The following DTNA variants were observed in gnomAD, a reference collection of about 807,000 sequenced individuals.
DTNA encodes the protein dystrophin-related protein 3.
DTNA carries 43 observed loss-of-function variants against 100.7 expected under a neutral mutation model. The observed-to-expected ratio is 0.43, with a 90% CI of 0.33 to 0.55. DTNA has a LOEUF of 0.55. Among genes scored for constraint, DTNA ranks in the 20% least tolerant of loss-of-function variants. The pLI is 0.04. For synonymous variants in DTNA, 349 were observed against 347.9 expected (o/e 1.00, Z -0.04); for missense variants, 798 against 953.9 (o/e 0.84, Z 2.15).
Position 34,888,866 on chromosome 18 carries a change from T to C in DTNA, c.*1132T>C, listed in dbSNP as rs2096944846. ...CTTGCAAACGTTTGCTCTCCTTTTT[T>C]TCTGAATGTTGATTGCCTTAGCTGG... On this transcript the variant is annotated 3_prime_UTR_variant, in exon 23 of 23. Transcript: ENST00000444659. 1.0e-6 allele frequency: 1 copy of C among 985,882 alleles called. No individual in the cohort carries two copies. Among genetic ancestry groups the C allele is most frequent in the Non-Finnish European group, 1.2e-6 (1 of 829,946 alleles). 61.1% of individuals were successfully genotyped at this position (985,882 alleles called of 1,614,324 possible). A position where few individuals can be genotyped will look rare whatever the true frequency, so the allele number is the denominator to read the frequency against.
chr18:34,503,733 GT>G (rs139710600), intron 1 of DTNA, among the ~76,000 whole-genome samples: 18 of 148,384 alleles, frequency 1.2e-4, no homozygotes, highest in African/African-American at 2.5e-4. Flanking sequence ...GGATTTCACT[GT>G]TTTTTTTTTC....
chr18:34,572,170 A>G (rs2047651674), intron 1 of DTNA, among the ~76,000 whole-genome samples: 1 of 152,184 alleles, frequency 6.6e-6, no homozygotes, highest in African/African-American at 2.4e-5. Context: ...GGATAAACAG[A>G]TTTAGATAAA....
At chr18:34,493,818 G>C (rs2038829093) in intron 1 of DTNA, 1 of 148,686 alleles carries the variant, frequency 6.7e-6, no homozygotes, top group African/African-American at 2.4e-5. Flanking sequence ...GCGCCGGCGG[G>C]GGCAGGGATT....
intron 1 of DTNA, among the ~76,000 whole-genome samples, chr18:34,711,817 T>C: frequency 6.6e-6 from 1 of 152,202 alleles, no homozygotes; most frequent in East Asian, 1.9e-4. Flanking sequence ...TTATTTGCCA[T>C]GATTTCAAAT....
chr18:34,858,349 G>A lies in DTNA; in HGVS notation c.1597G>A (p.Glu533Lys), dbSNP rs772037079. 1 of 1,614,044 alleles carries A rather than the reference G, an allele frequency of 6.2e-7. No individual in the cohort carries two copies. Among genetic ancestry groups the A allele is most frequent in the Non-Finnish European group, 8.5e-7 (1 of 1,180,036 alleles). Residue 533 changes from glutamate (E) to lysine (K), a missense_variant, in exon 16 of 23, where the codon GAG becomes AAG. Glu to Lys is a moderately conservative substitution (Grantham distance 56). This residue lies in a region of DTNA where 159 missense variants were observed against 201.2 expected (regional missense o/e 0.79). Transcript: ENST00000444659. ...TGAACAAGCTTCTCAGCCCACGCCA[G>A]AGAAGGCACAGCAAAACCCCACCCT... ...EHEQASQPTP[E>K]KAQQNPTLLA...
intron 1 of DTNA, among the ~76,000 whole-genome samples, chr18:34,540,474 G>A (rs952662695): frequency 7.6e-4 from 115 of 151,862 alleles, no homozygotes; most frequent in Non-Finnish European, 7.9e-4. Flanking sequence ...AGTTTATCTC[G>A]GAACATCACC....
chr18:34,622,458 A>G (rs1203532242), intron 1 of DTNA, among the ~76,000 whole-genome samples: 2 of 152,154 alleles, frequency 1.3e-5, no homozygotes, highest in Non-Finnish European at 2.9e-5. Context: ...TGAGGTGTCA[A>G]CTTGACCGGA....
intron 20 of DTNA, among the ~76,000 whole-genome samples, chr18:34,880,562 G>A (rs1354607319): frequency 6.6e-6 from 1 of 152,202 alleles, no homozygotes. Context: ...TCAGAAGGGT[G>A]ATGTTGCTTA....
At chr18:34,522,508 G>T (rs1279195497) in intron 1 of DTNA, among the ~76,000 whole-genome samples, 1 of 152,104 alleles carries the variant, frequency 6.6e-6, no homozygotes, top group Non-Finnish European at 1.5e-5. Context: ...TAGATAAATG[G>T]ATCATTTTCC....
At chr18:34,835,283 G>GTA (rs555757035) in intron 11 of DTNA, among the ~76,000 whole-genome samples, 21 of 152,214 alleles carry the variant, frequency 1.4e-4, no homozygotes, top group Non-Finnish European at 2.5e-4. Flanking sequence ...AGAAACTCAT[G>GTA]TATGTTCACG....
chr18:34,514,513 A>G lies in DTNA; in HGVS notation c.-2+20999A>G, dbSNP rs557726331. ...CTTTATTAAAAAGTGAATCATTTAA[A>G]TGCAATATCTAAGGCAGTATTAAAG... On this transcript the variant is annotated intron_variant, in intron 1 of 19. Transcript: ENST00000283365. 2.6e-5 allele frequency among the ~76,000 whole-genome samples: 4 copies of G among 152,298 alleles called. No homozygotes were observed. The East Asian group carries it at 7.7e-4, about 29-fold the overall frequency.
intron 1 of DTNA, among the ~76,000 whole-genome samples, chr18:34,577,590 C>T (rs940311664): frequency 2.6e-5 from 4 of 152,072 alleles, no homozygotes; most frequent in Non-Finnish European, 5.9e-5. Flanking sequence ...ACCCTCTTTC[C>T]ACCCTTCCCT....
At chr18:34,553,695 T>C (rs1022818427) in intron 1 of DTNA, among the ~76,000 whole-genome samples, 1 of 150,568 alleles carries the variant, frequency 6.6e-6, no homozygotes, top group Non-Finnish European at 1.5e-5. Flanking sequence ...GTTGTAGATA[T>C]GCGGCGTTAT....
At chr18:34,659,094 G>C (rs1222366312) in intron 1 of DTNA, among the ~76,000 whole-genome samples, 2 of 152,086 alleles carry the variant, frequency 1.3e-5, no homozygotes, top group Non-Finnish European at 2.9e-5. Flanking sequence ...ACGTGTGTGT[G>C]TGTGTGCACG....
chr18:34,722,267 AAGTTGAACTATAAT>A (rs2085502976), intron 1 of DTNA, among the ~76,000 whole-genome samples: 1 of 152,224 alleles, frequency 6.6e-6, no homozygotes, highest in Non-Finnish European at 1.5e-5. Context: ...AATCACAATT[AAGTTGAACTATAAT>A]TTAAAAGGGT....
chr18:34,839,152 A>C (rs1376407899), intron 13 of DTNA, among the ~76,000 whole-genome samples: 1 of 152,174 alleles, frequency 6.6e-6, no homozygotes, highest in Non-Finnish European at 1.5e-5. Flanking sequence ...TGTCATGTCA[A>C]ATTACCACAG....
chr18:34,772,168 C>T (rs2093807857), intron 3 of DTNA, among the ~76,000 whole-genome samples: 1 of 152,156 alleles, frequency 6.6e-6, no homozygotes, highest in Non-Finnish European at 1.5e-5. Flanking sequence ...CCTGAATTTT[C>T]TTTCCATTAG....
chr18:34,720,703 C>T (rs2085101536), intron 1 of DTNA, among the ~76,000 whole-genome samples: 1 of 152,084 alleles, frequency 6.6e-6, no homozygotes, highest in Admixed American at 6.6e-5. Context: ...AATAAGAGGA[C>T]AAGGAAGAGA....
intron 1 of DTNA, among the ~76,000 whole-genome samples, chr18:34,523,233 A>T (rs1436442299): frequency 6.6e-6 from 1 of 152,140 alleles, no homozygotes; most frequent in Non-Finnish European, 1.5e-5. Flanking sequence ...TATTATTAGA[A>T]TTTTTCCAAA....
Sources: gnomAD v4.1 joint callset for allele counts (sites outside exome capture counted in the v4.1 genomes callset) on GRCh38, gnomAD v4.1.1 for gene constraint, gnomAD v4.1.1 regional missense constraint, MANE v1.5 for transcripts, NCBI Gene and HGNC (gene_info 2026-07-23, HGNC 2026-07-21) for gene names.